COL21A1: variants seen among roughly 807,000 people sequenced by gnomAD.
The protein encoded by COL21A1 is collagen alpha-1(XXI) chain.
A neutral mutation model predicts 137.9 loss-of-function variants in COL21A1; 149 were observed. The ratio of observed to expected loss-of-function variants is 1.08; its 90% CI spans 0.95 to 1.24. The LOEUF is 1.24. COL21A1 is among the 50% of genes most tolerant of loss of function. The pLI is 0.00. For missense variants in COL21A1, 1,167 were observed against 1,158.4 expected (o/e 1.01, Z -0.11); for synonymous variants, 456 against 391.5 (o/e 1.16, Z -1.95).
At chr6:56,279,885 T>G (rs917299059) in intron 1 of COL21A1, among the ~76,000 whole-genome samples, 5 of 152,166 alleles carry the variant, frequency 3.3e-5, no homozygotes, top group Admixed American at 1.3e-4. Context: ...TAATCTAGGT[T>G]AATGTTTAAT....
chr6:56,192,574 G>A (rs1352098182), intron 1 of COL21A1, among the ~76,000 whole-genome samples: 1 of 151,816 alleles, frequency 6.6e-6, no homozygotes, highest in Non-Finnish European at 1.5e-5. Flanking sequence ...CAGCCAACAA[G>A]CATATGAAAA....
intron 1 of COL21A1, among the ~76,000 whole-genome samples, chr6:56,298,398 T>C (rs1764207074): frequency 1.3e-5 from 2 of 152,106 alleles, no homozygotes; most frequent in Admixed American, 1.3e-4. Flanking sequence ...TTGGGGTGCC[T>C]TTCACTGAAA....
At chr6:56,201,842 T>G (rs1054178609) in intron 1 of COL21A1, among the ~76,000 whole-genome samples, 1 of 152,192 alleles carries the variant, frequency 6.6e-6, no homozygotes, top group Non-Finnish European at 1.5e-5. Flanking sequence ...TAAAGACTTA[T>G]AGCCAACCCA....
rs150411899 is a variant in COL21A1 at position 56,345,340 on chromosome 6, A to G, written c.-39+48631T>C. Among the ~76,000 whole-genome samples, 598 of 150,192 alleles carry G rather than the reference A, an allele frequency of 4.0e-3. 2 individuals carry two copies. The highest frequency in any genetic ancestry group is 5.3e-3 in the Non-Finnish European group (355 of 67,578). On this transcript the variant is annotated intron_variant, in intron 1 of 28. Transcript: ENST00000370819. ...GCAGTCCTTTAAGAACAATAACAATAAATACCCATTTGTTGAGGGTCTATC... is the reference window on the plus strand; with the variant it reads ...GCAGTCCTTTAAGAACAATAACAATGAATACCCATTTGTTGAGGGTCTATC...
chr6:56,128,099 C>T (rs561138378), intron 12 of COL21A1, among the ~76,000 whole-genome samples: 90 of 152,214 alleles, frequency 5.9e-4, no homozygotes, highest in African/African-American at 2.1e-3. Flanking sequence ...GACGGCAAAC[C>T]CTGGAAATGG....
At chr6:56,251,155 A>T (rs527485016), upstream of COL21A1, among the ~76,000 whole-genome samples, 15 of 152,302 alleles carry the variant, frequency 9.8e-5, no homozygotes, top group East Asian at 2.9e-3. Context: ...TAATTGATAT[A>T]TTGCTCTCTT....
At chr6:56,272,402 G>C (rs1041725971) in intron 1 of COL21A1, among the ~76,000 whole-genome samples, 20 of 142,310 alleles carry the variant, frequency 1.4e-4, no homozygotes, top group Admixed American at 1.0e-3. Context: ...ATTGTATCTT[G>C]GGAGTTAACT....
At chr6:56,351,342 G>A (rs1765706992) in intron 1 of COL21A1, among the ~76,000 whole-genome samples, 1 of 152,240 alleles carries the variant, frequency 6.6e-6, no homozygotes, top group African/African-American at 2.4e-5. Context: ...AGTACGGGGA[G>A]GGGGAATTTC....
At position 56,170,862 on chromosome 6, in the gene COL21A1, A is replaced by G; in HGVS notation, c.813T>C (p.Asn271=). ...ATGGAGGAAGACCTTCTGGGAAAAC[A>G]TTGCTAGAAAAAGAAGAGCAAGTGT... is the stretch of plus-strand genomic sequence containing the variant. ...SKVDLSELTS[N]VFPEGLPPSY... is the part of the protein sequence containing the mutation. The change falls in exon 5 of 30, where the codon AAT becomes AAC. Residue 271 remains asparagine (N), a synonymous_variant. Transcript: ENST00000244728. The G allele has an allele frequency of 1.2e-6, 2 of 1,608,318 alleles. No individual in the cohort carries two copies. The highest frequency in any genetic ancestry group is 1.7e-6 in the Non-Finnish European group (2 of 1,176,850).
intron 1 of COL21A1, among the ~76,000 whole-genome samples, chr6:56,223,872 T>A (rs921004275): frequency 5.3e-5 from 8 of 152,072 alleles, no homozygotes; most frequent in African/African-American, 1.4e-4. Flanking sequence ...TTTATTTTTT[T>A]AAACTGTAAA....
intron 1 of COL21A1, among the ~76,000 whole-genome samples, chr6:56,301,854 T>TCC (rs936502808): frequency 3.1e-5 from 1 of 32,618 alleles, no homozygotes; most frequent in Non-Finnish European, 2.3e-4. Context: ...ATGCTATTTC[T>TCC]CCCCCCCCCA....
chr6:56,064,467 C>A (rs1766069261), intron 24 of COL21A1, 111 bp downstream of exon 24: 2 of 691,454 alleles, frequency 2.9e-6, no homozygotes, highest in African/African-American at 1.8e-5. Flanking sequence ...AGAATGCATA[C>A]TATATTGTCC....
At chr6:56,082,521 G>A (rs546779155) in intron 17 of COL21A1, among the ~76,000 whole-genome samples, 1 of 151,686 alleles carries the variant, frequency 6.6e-6, no homozygotes, top group South Asian at 2.1e-4. Context: ...AACAAATTAT[G>A]GTCAATTTCT....
chr6:56,085,409 T>C (rs1016417619), intron 17 of COL21A1, among the ~76,000 whole-genome samples: 5 of 152,172 alleles, frequency 3.3e-5, no homozygotes, highest in African/African-American at 1.2e-4. Flanking sequence ...ACACAAAATA[T>C]TATAAATAAG....
intron 23 of COL21A1, 58 bp downstream of exon 23, chr6:56,067,237 A>ATT (rs138548441): frequency 7.3e-7 from 1 of 1,365,554 alleles, no homozygotes; most frequent in African/African-American, 1.5e-5. Context: ...TAAAATAAGA[A>ATT]CTTTTTAAAA....
intron 1 of COL21A1, among the ~76,000 whole-genome samples, chr6:56,328,082 G>A (rs1765137185): frequency 6.6e-6 from 1 of 151,980 alleles, no homozygotes; most frequent in Non-Finnish European, 1.5e-5. Flanking sequence ...TTTGTTTTAA[G>A]GGGCTCACAA....
At chr6:56,278,301 C>T (rs1763714881) in intron 1 of COL21A1, among the ~76,000 whole-genome samples, 1 of 152,338 alleles carries the variant, frequency 6.6e-6, no homozygotes, top group Non-Finnish European at 1.5e-5. Flanking sequence ...GGGGGTTACA[C>T]TTAATGATCT....
chr6:56,301,085 G>T (rs1764268745), intron 1 of COL21A1, among the ~76,000 whole-genome samples: 1 of 152,060 alleles, frequency 6.6e-6, no homozygotes, highest in African/African-American at 2.4e-5. Context: ...TAGCTACAAT[G>T]GTTTGGTAAG....
At chr6:56,118,472 G>A (rs187643006) in intron 16 of COL21A1, among the ~76,000 whole-genome samples, 65 of 152,130 alleles carry the variant, frequency 4.3e-4, no homozygotes, top group South Asian at 8.3e-4. Context: ...CCTGGGACCT[G>A]ATGGCTTCAC....
Sources: gnomAD v4.1 joint callset for allele counts (sites outside exome capture counted in the v4.1 genomes callset) on GRCh38, gnomAD v4.1.1 for gene constraint, MANE v1.5 for transcripts, NCBI Gene and HGNC (gene_info 2026-07-23, HGNC 2026-07-21) for gene names.